Variants in TTC27 observed in about 807,000 individuals in gnomAD.
TTC27 encodes the protein tetratricopeptide repeat protein 27.
Under a neutral mutation model 115.9 loss-of-function variants are expected in TTC27, and 79 were observed. The observed-to-expected ratio is 0.68, with a 90% CI of 0.57 to 0.82. The LOEUF (loss-of-function observed/expected upper bound fraction) is 0.82, where lower values mean the gene tolerates loss of function less well. Among genes scored for constraint, TTC27 ranks in the 40% least tolerant of loss-of-function variants. The pLI, the probability that TTC27 is intolerant of heterozygous loss-of-function variation, is 0.00. For synonymous variants in TTC27, 401 were observed against 356.0 expected (o/e 1.13, Z -1.42); for missense variants, 1,054 against 993.1 (o/e 1.06, Z -0.82).
intron 18 of TTC27, among the ~76,000 whole-genome samples, chr2:32,815,439 G>T (rs1023695368): frequency 2.6e-5 from 4 of 151,386 alleles, no homozygotes; most frequent in Admixed American, 6.6e-5. Flanking sequence ...GGGTTTCACC[G>T]TGTTAGCCAG....
intron 10 of TTC27, among the ~76,000 whole-genome samples, chr2:32,719,210 A>G (rs780970909): frequency 6.6e-6 from 1 of 152,210 alleles, no homozygotes; most frequent in African/African-American, 2.4e-5. Context: ...GAAGCTGTGC[A>G]TAGAGCAGTG....
At chr2:32,728,320 C>T (rs893098390) in intron 10 of TTC27, among the ~76,000 whole-genome samples, 3 of 152,084 alleles carry the variant, frequency 2.0e-5, no homozygotes, top group South Asian at 4.2e-4. Flanking sequence ...GGATTACAGG[C>T]GTGAACCACC....
At position 32,736,804 on chromosome 2, in the gene TTC27, G is replaced by A; in HGVS notation, c.1440G>A (p.Gly480=). ...EDVVICYERA[G]QHGKAEEILR... ...TTGTCATTTGTTATGAAAGAGCCGG[G>A]CAGCACGGAAAGGTATGTAATAGTC... The change falls in exon 12 of 20, where the codon GGG becomes GGA. Residue 480 remains glycine, a synonymous_variant. Transcript: ENST00000317907. 2 of 1,613,836 alleles carry A rather than the reference G, an allele frequency of 1.2e-6. No individual in the cohort carries two copies. The highest frequency in any genetic ancestry group is 1.7e-6 in the Non-Finnish European group (2 of 1,179,838).
At chr2:32,748,352 G>A (rs79726412) in intron 12 of TTC27, among the ~76,000 whole-genome samples, 7,494 of 152,138 alleles carry the variant, frequency 0.049, 203 homozygotes, top group East Asian at 0.094. Flanking sequence ...GTGGCCTGTC[G>A]TATAGTATAT....
chr2:32,669,107 A>G (rs1665910630), intron 7 of TTC27, among the ~76,000 whole-genome samples: 2 of 152,122 alleles, frequency 1.3e-5, no homozygotes, highest in African/African-American at 2.4e-5. Flanking sequence ...ATAAATAAAA[A>G]ATAAATTTTA....
intron 12 of TTC27, among the ~76,000 whole-genome samples, chr2:32,751,695 A>G (rs1352274889): frequency 6.6e-6 from 1 of 152,208 alleles, no homozygotes; most frequent in African/African-American, 2.4e-5. Context: ...GGATACAATT[A>G]TGTGGCAAAT....
At chr2:32,778,104 T>C (rs1171202705) in intron 14 of TTC27, 124 bp downstream of exon 14, 1 of 778,244 alleles carries the variant, frequency 1.3e-6, no homozygotes, top group African/African-American at 1.7e-5. Flanking sequence ...TGAGGGAAGG[T>C]CGTACCTCAA....
chr2:32,697,374 A>G (rs1446407100), intron 9 of TTC27, among the ~76,000 whole-genome samples: 6 of 152,184 alleles, frequency 3.9e-5, no homozygotes, highest in African/African-American at 1.4e-4. Flanking sequence ...CTGATGAGTC[A>G]CAATTTGGGG....
intron 6 of TTC27, among the ~76,000 whole-genome samples, chr2:32,666,087 G>A (rs1665764351): frequency 6.6e-6 from 1 of 152,098 alleles, no homozygotes; most frequent in African/African-American, 2.4e-5. Flanking sequence ...GTGGATGTTG[G>A]AACTTTTGCT....
chr2:32,639,031 A>G (rs1440278626), intron 3 of TTC27, among the ~76,000 whole-genome samples: 1 of 151,816 alleles, frequency 6.6e-6, no homozygotes, highest in Admixed American at 6.6e-5. Flanking sequence ...ACAGGGTTTC[A>G]CCGTGTTAGC....
intron 3 of TTC27, among the ~76,000 whole-genome samples, chr2:32,638,854 A>G (rs1664525255): frequency 6.6e-6 from 1 of 151,782 alleles, no homozygotes; most frequent in African/African-American, 2.4e-5. Context: ...TTTTTTTGAT[A>G]CGGAGTCTTG....
chr2:32,749,641 C>T (rs1281619394), intron 12 of TTC27, among the ~76,000 whole-genome samples: 2 of 152,180 alleles, frequency 1.3e-5, no homozygotes, highest in Admixed American at 1.3e-4. Context: ...TATACCATTA[C>T]ATTTGCTACT....
chr2:32,687,838 A>T (rs1377312219), intron 9 of TTC27, among the ~76,000 whole-genome samples: 2 of 152,210 alleles, frequency 1.3e-5, no homozygotes, highest in African/African-American at 4.8e-5. Context: ...TGAAAAACAG[A>T]CAATGTCACA....
At chr2:32,685,484 A>C (rs1039763066) in intron 9 of TTC27, among the ~76,000 whole-genome samples, 2 of 152,210 alleles carry the variant, frequency 1.3e-5, no homozygotes, top group African/African-American at 4.8e-5. Flanking sequence ...ATTGTCAACA[A>C]CTATAAAATT....
intron 9 of TTC27, among the ~76,000 whole-genome samples, chr2:32,690,333 T>C (rs1347777106): frequency 6.6e-6 from 1 of 152,174 alleles, no homozygotes; most frequent in Admixed American, 6.5e-5. Flanking sequence ...CCAAGCATGC[T>C]ACTAGATGTT....
chr2:32,814,021 A>G (rs914895150), intron 18 of TTC27, among the ~76,000 whole-genome samples: 1 of 152,146 alleles, frequency 6.6e-6, no homozygotes, highest in Non-Finnish European at 1.5e-5. Flanking sequence ...TGGATATTGT[A>G]TGATATTTGG....
At chr2:32,774,210 C>G in intron 13 of TTC27, among the ~76,000 whole-genome samples, 1 of 137,584 alleles carries the variant, frequency 7.3e-6, no homozygotes, top group East Asian at 2.1e-4. Flanking sequence ...GAGACAGAGT[C>G]TCATTTTTTA....
chr2:32,756,629 A>C (rs977472294), intron 12 of TTC27, among the ~76,000 whole-genome samples: 5 of 152,214 alleles, frequency 3.3e-5, no homozygotes, highest in Non-Finnish European at 5.9e-5. Flanking sequence ...CTGCTTAAGG[A>C]GTATAGATAT....
chr2:32,688,229 A>T (rs541974386), intron 9 of TTC27, among the ~76,000 whole-genome samples: 1 of 152,288 alleles, frequency 6.6e-6, no homozygotes, highest in Non-Finnish European at 1.5e-5. Flanking sequence ...TGCATATTTT[A>T]TCCATGGACC....
Sources: gnomAD v4.1 joint callset for allele counts (sites outside exome capture counted in the v4.1 genomes callset) on GRCh38, gnomAD v4.1.1 for gene constraint, MANE v1.5 for transcripts, NCBI Gene and HGNC (gene_info 2026-07-23, HGNC 2026-07-21) for gene names.